PHKB: variants seen among roughly 807,000 people sequenced by gnomAD.
PHKB encodes the protein phosphorylase kinase regulatory subunit beta.
Under a neutral mutation model 152.1 loss-of-function variants are expected in PHKB, and 122 were observed. The ratio of observed to expected loss-of-function variants is 0.80; its 90% CI spans 0.69 to 0.93. PHKB has a LOEUF of 0.93. PHKB is among the 40% of genes least tolerant of loss of function. The probability of loss-of-function intolerance (pLI) is 0.00; values close to 1 mark genes in which losing one functional copy is unlikely to be tolerated. For synonymous variants in PHKB, 436 were observed against 464.9 expected (o/e 0.94, Z 0.80); for missense variants, 1,304 against 1,328.4 (o/e 0.98, Z 0.29).
chr16:47,655,921 A>G lies in PHKB; in HGVS notation c.1972-4585A>G, dbSNP rs113883211. ...TTTTCAGCAGCAGAGTTTAATGTCTACTTCACTACCTATCTCATTTTCCCA... is the reference window on the plus strand; with the variant it reads ...TTTTCAGCAGCAGAGTTTAATGTCTGCTTCACTACCTATCTCATTTTCCCA... On this transcript the variant is annotated intron_variant, in intron 20 of 30. Coordinates refer to ENST00000323584, the MANE Select transcript of PHKB (RefSeq NM_000293.3). Among the ~76,000 whole-genome samples, 143 of 152,198 alleles carry G rather than the reference A, an allele frequency of 9.4e-4. 1 individual carries two copies. The highest frequency in any genetic ancestry group is 3.3e-3 in the African/African-American group (136 of 41,526).
intron 7 of PHKB, among the ~76,000 whole-genome samples, chr16:47,570,078 G>A (rs1482917931): frequency 1.3e-5 from 2 of 152,212 alleles, no homozygotes; most frequent in African/African-American, 4.8e-5. Context: ...ATTCTTGTCT[G>A]ACAGCTCTTC....
intron 5 of PHKB, among the ~76,000 whole-genome samples, chr16:47,512,683 T>G (rs1338855159): frequency 6.6e-6 from 1 of 152,214 alleles, no homozygotes. Flanking sequence ...TTTCATTTTA[T>G]TCCCCTCTCA....
intron 13 of PHKB, among the ~76,000 whole-genome samples, chr16:47,610,121 T>C (rs1456969096): frequency 6.6e-6 from 1 of 151,446 alleles, no homozygotes; most frequent in Non-Finnish European, 1.5e-5. Flanking sequence ...GCCTCCTGAG[T>C]AGCTGGGATT....
chr16:47,678,546 T>G (rs1468704139), intron 26 of PHKB, among the ~76,000 whole-genome samples: 1 of 152,054 alleles, frequency 6.6e-6, no homozygotes, highest in Non-Finnish European at 1.5e-5. Flanking sequence ...TTTCATGTGT[T>G]TTTTGGCTGC....
chr16:47,566,005 A>T (rs1470677266), intron 7 of PHKB: 1 of 724,706 alleles, frequency 1.4e-6, no homozygotes, highest in Non-Finnish European at 2.4e-6. Flanking sequence ...CGTCTGTTGG[A>T]TCAGTCTTCA....
chr16:47,493,141 G>A (rs1481260577), intron 1 of PHKB, among the ~76,000 whole-genome samples: 1 of 152,134 alleles, frequency 6.6e-6, no homozygotes, highest in Non-Finnish European at 1.5e-5. Flanking sequence ...ACTCCTCCCA[G>A]TGTGCAGGCC....
At chr16:47,603,436 G>A (rs550700898) in intron 13 of PHKB, among the ~76,000 whole-genome samples, 13 of 151,902 alleles carry the variant, frequency 8.6e-5, no homozygotes, top group Admixed American at 4.6e-4. Context: ...GGAAGCACAT[G>A]TAGTATTACT....
intron 6 of PHKB, among the ~76,000 whole-genome samples, chr16:47,543,326 C>T (rs776793508): frequency 1.3e-5 from 2 of 152,122 alleles, no homozygotes; most frequent in Non-Finnish European, 2.9e-5. Flanking sequence ...TGTATTGAAC[C>T]AGCCTTGCAT....
At chr16:47,533,605 G>C (rs975689698) in intron 6 of PHKB, among the ~76,000 whole-genome samples, 1 of 152,192 alleles carries the variant, frequency 6.6e-6, no homozygotes. Context: ...GTGCACACTT[G>C]GCTGGGCTGT....
At chr16:47,500,574 G>A (rs1319854111) in intron 3 of PHKB, among the ~76,000 whole-genome samples, 11 of 152,052 alleles carry the variant, frequency 7.2e-5, no homozygotes, top group Admixed American at 7.2e-4. Flanking sequence ...TCAAAATGAT[G>A]CAACTCATTA....
intron 18 of PHKB, 127 bp downstream of exon 18, chr16:47,649,331 A>G (rs1256046105): frequency 7.0e-6 from 5 of 717,382 alleles, no homozygotes; most frequent in Non-Finnish European, 1.3e-5. Context: ...GCATGACAGT[A>G]AAACCACCTG....
At chr16:47,571,757 A>T (rs1026684443) in intron 7 of PHKB, among the ~76,000 whole-genome samples, 4 of 152,202 alleles carry the variant, frequency 2.6e-5, no homozygotes, top group Non-Finnish European at 5.9e-5. Flanking sequence ...GGGCTCCTCC[A>T]CTGCTAGAGT....
intron 13 of PHKB, among the ~76,000 whole-genome samples, chr16:47,607,998 T>TATAG (rs1244935867): frequency 6.6e-6 from 1 of 152,162 alleles, no homozygotes; most frequent in Non-Finnish European, 1.5e-5. Flanking sequence ...GAAAAGCCTA[T>TATAG]ATAGACACTG....
rs1456502797 is a variant in PHKB, at chr16:47,689,107, G to C, written c.2697G>C (p.Leu899Phe). 1 of 1,614,046 alleles carries C rather than the reference G, an allele frequency of 6.2e-7. No homozygotes were observed. Among genetic ancestry groups the C allele is most frequent in the Non-Finnish European group, 8.5e-7 (1 of 1,179,966 alleles). ...GCGGAGACAAGCCAGCCTTGGACTT[G>C]TATCAGCTGTCACCTAGTGAAGTTA... is the stretch of plus-strand genomic sequence containing the variant. Reference protein sequence around the residue: ...IRGGDKPALDLYQLSPSEVKQ... With the variant: ...IRGGDKPALDFYQLSPSEVKQ... The change falls in exon 27 of 31, where the codon TTG becomes TTC. Residue 899 changes from leucine (L) to phenylalanine (F), a missense_variant. Transcript: ENST00000323584.
intron 12 of PHKB, 80 bp from the exon 13 acceptor site, chr16:47,596,293 G>T (rs577552271): frequency 4.0e-6 from 4 of 1,000,134 alleles, no homozygotes; most frequent in African/African-American, 1.6e-5. Context: ...ACCCAGTCTT[G>T]GGTATATCTT....
In PHKB at chr16:47,664,976, G is replaced by A. The variant is rs1290323940; in HGVS notation, c.2427+1G>A. 6.3e-7 allele frequency: 1 copy of A among 1,596,174 alleles called. No homozygotes were observed. Among genetic ancestry groups the A allele is most frequent in the Non-Finnish European group, 8.6e-7 (1 of 1,163,754 alleles). On this transcript the variant is annotated splice_donor_variant, in intron 25 of 30. Transcript: ENST00000323584. LOFTEE classifies it high-confidence loss of function. ...TACTTTTCTGGTACATGGGAAACAG[G>A]TAACATGCACAGAATTTGAAAACCC...
At chr16:47,630,623 T>G (rs1274144954) in intron 14 of PHKB, among the ~76,000 whole-genome samples, 1 of 152,240 alleles carries the variant, frequency 6.6e-6, no homozygotes, top group Non-Finnish European at 1.5e-5. Context: ...GAATGTAGCA[T>G]GTTCCTGCAC....
At chr16:47,658,383 C>T (rs578043128) in intron 20 of PHKB, among the ~76,000 whole-genome samples, 1 of 152,126 alleles carries the variant, frequency 6.6e-6, no homozygotes, top group Admixed American at 6.6e-5. Context: ...TACTCCCCTG[C>T]CCTGGTACTC....
intron 14 of PHKB, among the ~76,000 whole-genome samples, chr16:47,624,145 A>G (rs1416575274): frequency 2.0e-5 from 3 of 152,092 alleles, no homozygotes; most frequent in South Asian, 2.1e-4. Context: ...CTCCTCATTT[A>G]TTTCTGTGAG....
Sources: gnomAD v4.1 joint callset for allele counts (sites outside exome capture counted in the v4.1 genomes callset) on GRCh38, gnomAD v4.1.1 for gene constraint, MANE v1.5 for transcripts, NCBI Gene and HGNC (gene_info 2026-07-23, HGNC 2026-07-21) for gene names.